The following TUT4 variants were observed in gnomAD, a reference collection of about 807,000 sequenced individuals.
TUT4 encodes the protein terminal uridylyl transferase 4.
Under a neutral mutation model 192.2 loss-of-function variants are expected in TUT4, and 36 were observed. The observed-to-expected ratio is 0.19, with a 90% CI of 0.14 to 0.25. TUT4 has a LOEUF of 0.25. Among genes scored for constraint, TUT4 ranks in the 10% least tolerant of loss-of-function variants. The pLI, the probability that TUT4 is intolerant of heterozygous loss-of-function variation, is 1.00. For synonymous variants in TUT4, 618 were observed against 666.0 expected, an observed-to-expected ratio of 0.93 and a Z score of 1.11; for missense variants, 1,493 against 1,957.2, an observed-to-expected ratio of 0.76 and a Z score of 4.47.
chr1:52,457,402 A>T (rs554711101), intron 20 of TUT4, among the ~76,000 whole-genome samples: 3 of 151,888 alleles, frequency 2.0e-5, no homozygotes, highest in Non-Finnish European at 4.4e-5. Context: ...CGCCCGGCTA[A>T]TTTTTATATT....
chr1:52,480,391 C>T (rs1470887122), intron 11 of TUT4, among the ~76,000 whole-genome samples: 6 of 152,124 alleles, frequency 3.9e-5, no homozygotes, highest in African/African-American at 7.2e-5. Context: ...GAAATGACCA[C>T]GGGATTTAGT....
intron 2 of TUT4, among the ~76,000 whole-genome samples, chr1:52,522,105 C>T (rs552501282): frequency 4.1e-4 from 63 of 152,146 alleles, no homozygotes; most frequent in African/African-American, 1.4e-3. Context: ...TAAACAATTA[C>T]GTATAAACAT....
At chr1:52,463,656 A>G (rs1663254414) in intron 16 of TUT4, 2 of 1,303,922 alleles carry the variant, frequency 1.5e-6, no homozygotes, top group African/African-American at 3.0e-5. Context: ...TAAAGGACTG[A>G]ACATCTACAA....
chr1:52,531,925 C>T (rs545392851), intron 1 of TUT4, among the ~76,000 whole-genome samples: 1 of 116,008 alleles, frequency 8.6e-6, no homozygotes, highest in Non-Finnish European at 1.7e-5. Context: ...GAGACAGAAT[C>T]CCACTCTGCT....
chr1:52,445,023 A>ATACATG (rs1657102658), intron 24 of TUT4, among the ~76,000 whole-genome samples: 4 of 129,082 alleles, frequency 3.1e-5, no homozygotes, highest in African/African-American at 1.6e-4. Flanking sequence ...ATATATGTAT[A>ATACATG]TATGTGTATA....
At chr1:52,546,104 ACTCCAG>A (rs1454380451) in intron 1 of TUT4, among the ~76,000 whole-genome samples, 2 of 152,108 alleles carry the variant, frequency 1.3e-5, no homozygotes, top group East Asian at 3.9e-4. Flanking sequence ...ATGCCACTGC[ACTCCAG>A]CTTGGGAGAC....
At position 52,547,156 on chromosome 1, in the gene TUT4, CA is replaced by C. The variant is rs1053191045; in HGVS notation, c.-94+5774del. ...CCTTGGTGATAGAGCAAGACTGTCTCAAAAAAAAAAGTGGGGGCATCTAGTA... is the reference window on the plus strand; with the variant it reads ...CCTTGGTGATAGAGCAAGACTGTCTCAAAAAAAAAGTGGGGGCATCTAGTA... On this transcript the variant is annotated intron_variant, in intron 1 of 29. Transcript: ENST00000257177. Among the ~76,000 whole-genome samples, 8 of 134,788 alleles carry C rather than the reference CA, an allele frequency of 5.9e-5. No individual in the cohort carries two copies. In the South Asian group the frequency reaches 9.5e-4, roughly 16 times the overall value. The allele number at this position is 134,788 out of a possible 152,430, so 88.4% of individuals were successfully genotyped here.
chr1:52,483,342 C>T (rs1028332983), intron 9 of TUT4, among the ~76,000 whole-genome samples: 11 of 152,040 alleles, frequency 7.2e-5, no homozygotes, highest in Non-Finnish European at 2.9e-5. Flanking sequence ...CTGATATATG[C>T]ATTTGAAAGA....
chr1:52,474,234 C>T (rs771718177), intron 13 of TUT4, among the ~76,000 whole-genome samples: 1 of 152,118 alleles, frequency 6.6e-6, no homozygotes, highest in Admixed American at 6.5e-5. Context: ...TAAGTTCATA[C>T]TATCTTACTT....
chr1:52,438,894 A>AC (rs1461384924), intron 24 of TUT4, among the ~76,000 whole-genome samples: 1 of 152,048 alleles, frequency 6.6e-6, no homozygotes, highest in Non-Finnish European at 1.5e-5. Flanking sequence ...ACATGGCAAA[A>AC]CCCCGTCTCT....
intron 14 of TUT4, among the ~76,000 whole-genome samples, chr1:52,470,303 A>C (rs151276822): frequency 6.6e-6 from 1 of 152,346 alleles, no homozygotes; most frequent in Non-Finnish European, 1.5e-5. Context: ...ATATTCAATT[A>C]TAACCCAAGG....
chr1:52,438,844 G>A (rs552668415), intron 24 of TUT4, among the ~76,000 whole-genome samples: 2 of 152,136 alleles, frequency 1.3e-5, no homozygotes, highest in South Asian at 4.2e-4. Context: ...CTGAGGCAGG[G>A]GGATCACCTG....
At chr1:52,474,027 C>A (rs896565023) in intron 13 of TUT4, among the ~76,000 whole-genome samples, 3 of 152,006 alleles carry the variant, frequency 2.0e-5, no homozygotes, top group Non-Finnish European at 2.9e-5. Flanking sequence ...GGCAACATGG[C>A]GAAATCCCAT....
At chr1:52,492,996 C>T (rs1570918579) in intron 7 of TUT4, among the ~76,000 whole-genome samples, 1 of 152,136 alleles carries the variant, frequency 6.6e-6, no homozygotes, top group South Asian at 2.1e-4. Flanking sequence ...TAGGTTTTGT[C>T]TTCTTTTACA....
At chr1:52,460,660 CAG>C (rs1210709542) in intron 19 of TUT4, among the ~76,000 whole-genome samples, 1 of 152,162 alleles carries the variant, frequency 6.6e-6, no homozygotes, top group Non-Finnish European at 1.5e-5. Flanking sequence ...ACTAGAGAAA[CAG>C]AGGTTCCTGT....
intron 1 of TUT4, among the ~76,000 whole-genome samples, chr1:52,541,951 C>A (rs1450114084): frequency 6.6e-6 from 1 of 152,124 alleles, no homozygotes; most frequent in Non-Finnish European, 1.5e-5. Flanking sequence ...ACCCAAGTAT[C>A]CACCAACAGA....
Position 52,489,005 on chromosome 1 carries a change from G to C in TUT4, c.1419C>G (p.Asn473Lys), listed in dbSNP as rs200480335. Residue 473 changes from asparagine (N) to lysine (K), a missense_variant, in exon 9 of 30, where the codon AAC becomes AAG. By Grantham distance (94) the Asn-to-Lys change is moderately conservative. This residue lies in a region of TUT4 where 437 missense variants were observed against 577.6 expected (regional missense o/e 0.76). Transcript: ENST00000257177. ...AATCAGTAGTGAGACATGCCATATC[G>C]TTTCCTGCACTCACTCTACAAAGTA... ...SGLLCRVSAGNDMACLTTDLL... is the reference protein window; with the variant it reads ...SGLLCRVSAGKDMACLTTDLL... 1.2e-6 allele frequency: 2 copies of C among 1,613,446 alleles called. No individual in the cohort carries two copies. The highest frequency in any genetic ancestry group is 1.7e-6 in the Non-Finnish European group (2 of 1,179,758).
intron 1 of TUT4, among the ~76,000 whole-genome samples, chr1:52,527,483 C>G (rs567065996): frequency 1.3e-5 from 2 of 151,922 alleles, no homozygotes; most frequent in Non-Finnish European, 2.9e-5. Flanking sequence ...ACCCAGGAGG[C>G]GGAGGTTGCA....
chr1:52,493,574 A>G (rs750631537), intron 7 of TUT4, 37 bp downstream of exon 7: 37 of 550,366 alleles, frequency 6.7e-5, no homozygotes, highest in Admixed American at 1.3e-4. Context: ...AAGACAAATT[A>G]AAAAAAAAAA....
Sources: allele counts gnomAD v4.1 joint callset (sites outside exome capture counted in the v4.1 genomes callset), GRCh38; gene constraint gnomAD v4.1.1; regional missense constraint gnomAD v4.1.1; transcripts MANE v1.5; gene names NCBI Gene and HGNC (gene_info 2026-07-23, HGNC 2026-07-21).